SLC35F1: variants seen among roughly 807,000 people sequenced by gnomAD.
SLC35F1 encodes chromosome 6 open reading frame 169.
In SLC35F1, 14 loss-of-function variants were observed where a neutral mutation model predicts 48.7. The observed-to-expected ratio is 0.29, with a 90% confidence interval of 0.19 to 0.45. SLC35F1 has a LOEUF of 0.45. SLC35F1 is among the 20% of genes least tolerant of loss of function. The pLI is 1.00. For synonymous variants in SLC35F1, 190 were observed against 202.2 expected (o/e 0.94, Z 0.51); for missense variants, 404 against 500.0 (o/e 0.81, Z 1.83).
At chr6:118,002,629 TA>T (rs991045168) in intron 1 of SLC35F1, among the ~76,000 whole-genome samples, 12 of 151,976 alleles carry the variant, frequency 7.9e-5, no homozygotes, top group South Asian at 4.1e-4. Flanking sequence ...AAAAAGAAGA[TA>T]AAAAAAGAAT....
chr6:117,913,044 A>G (rs945593391), intron 1 of SLC35F1, among the ~76,000 whole-genome samples: 1 of 152,182 alleles, frequency 6.6e-6, no homozygotes, highest in Admixed American at 6.5e-5. Context: ...ACTTAATGCA[A>G]GAGATGTTTT....
chr6:118,066,146 T>C (rs779927479), intron 1 of SLC35F1, among the ~76,000 whole-genome samples: 1 of 152,194 alleles, frequency 6.6e-6, no homozygotes, highest in African/African-American at 2.4e-5. Flanking sequence ...AAATAATACA[T>C]ATTATTTAAT....
chr6:118,130,303 C>A (rs1773690942), intron 1 of SLC35F1, among the ~76,000 whole-genome samples: 1 of 152,084 alleles, frequency 6.6e-6, no homozygotes, highest in Admixed American at 6.6e-5. Flanking sequence ...AGTCTAGATA[C>A]GCTTCTTAAG....
In SLC35F1 at chr6:117,947,845, A is replaced by T. The variant is rs558890332; in HGVS notation, c.173+39946A>T. Among the ~76,000 whole-genome samples, 1,165 of 152,286 alleles carry T rather than the reference A, an allele frequency of 7.7e-3. 8 individuals carry two copies. Among genetic ancestry groups the T allele is most frequent in the Middle Eastern group, 0.014 (4 of 294 alleles). ...CTGAGAGAGGTATTGCCAAGCATAC[A>T]CTTTGAGAGTCATTGTATAGTTGAT... On this transcript the variant is annotated intron_variant, in intron 1 of 7. Coordinates refer to ENST00000360388, the MANE Select transcript of SLC35F1 (RefSeq NM_001029858.4).
At chr6:118,127,808 A>G (rs921087650) in intron 1 of SLC35F1, among the ~76,000 whole-genome samples, 2 of 151,494 alleles carry the variant, frequency 1.3e-5, no homozygotes, top group Non-Finnish European at 3.0e-5. Context: ...AAATTGACAA[A>G]TGGGATCTAA....
intron 1 of SLC35F1, among the ~76,000 whole-genome samples, chr6:118,134,451 G>T (rs992343652): frequency 2.6e-5 from 4 of 152,230 alleles, no homozygotes; most frequent in African/African-American, 9.6e-5. Context: ...TAAGAGCCAG[G>T]AGAAATATGC....
At chr6:118,079,133 G>A (rs531045122) in intron 1 of SLC35F1, among the ~76,000 whole-genome samples, 10 of 152,100 alleles carry the variant, frequency 6.6e-5, no homozygotes, top group Non-Finnish European at 1.5e-4. Flanking sequence ...TATCACCACT[G>A]TTCATTTCCA....
intron 1 of SLC35F1, among the ~76,000 whole-genome samples, chr6:118,108,048 A>G (rs894342396): frequency 1.3e-5 from 2 of 152,126 alleles, no homozygotes; most frequent in Non-Finnish European, 2.9e-5. Context: ...TTCCAAAAGA[A>G]TGAACAGTGT....
At chr6:118,007,140 A>G (rs942330008) in intron 1 of SLC35F1, among the ~76,000 whole-genome samples, 2 of 152,072 alleles carry the variant, frequency 1.3e-5, no homozygotes, top group Non-Finnish European at 2.9e-5. Context: ...ATGGAGGCTG[A>G]GCAGTCAAAT....
intron 2 of SLC35F1, among the ~76,000 whole-genome samples, chr6:118,164,047 A>G (rs1348682151): frequency 1.3e-5 from 2 of 152,230 alleles, no homozygotes; most frequent in African/African-American, 2.4e-5. Context: ...TTTCCTGCCT[A>G]TGCATTTTTT....
intron 2 of SLC35F1, among the ~76,000 whole-genome samples, chr6:118,206,747 C>A (rs552711081): frequency 6.6e-6 from 1 of 152,178 alleles, no homozygotes; most frequent in African/African-American, 2.4e-5. Flanking sequence ...ATCTTGTTAC[C>A]AAACCAAATA....
chr6:118,153,511 C>G (rs1424105804), intron 1 of SLC35F1, among the ~76,000 whole-genome samples: 2 of 152,092 alleles, frequency 1.3e-5, no homozygotes, highest in Non-Finnish European at 2.9e-5. Flanking sequence ...TATAAATAAA[C>G]CAGACAAGTC....
intron 1 of SLC35F1, among the ~76,000 whole-genome samples, chr6:118,114,484 T>A (rs989198195): frequency 6.6e-6 from 1 of 152,032 alleles, no homozygotes; most frequent in East Asian, 1.9e-4. Flanking sequence ...AACCAGTTAG[T>A]CTTTCCCCCA....
intron 1 of SLC35F1, among the ~76,000 whole-genome samples, chr6:118,084,151 GTCTGGC>G (rs1772951211): frequency 6.6e-6 from 1 of 152,178 alleles, no homozygotes; most frequent in Non-Finnish European, 1.5e-5. Flanking sequence ...TTTTAGCCCA[GTCTGGC>G]TCCAAAGCCC....
At position 118,225,915 on chromosome 6, in the gene SLC35F1, A is replaced by C. The variant is rs1029038204; in HGVS notation, c.350-9594A>C. ...AATCTTCACAGCAAAGGAAACAATT[A>C]ACAAAGTGAAGAGACAACCCACAAA... is the stretch of plus-strand genomic sequence containing the variant. On this transcript the variant is annotated intron_variant, in intron 2 of 7. Transcript: ENST00000360388. Among the ~76,000 whole-genome samples, 3 of 149,896 alleles carry C rather than the reference A, an allele frequency of 2.0e-5. No homozygotes were observed. The East Asian group carries it at 5.9e-4, about 30-fold the overall frequency.
intron 1 of SLC35F1, among the ~76,000 whole-genome samples, chr6:117,959,722 A>G (rs1474806352): frequency 1.3e-5 from 2 of 152,228 alleles, no homozygotes; most frequent in East Asian, 1.9e-4. Flanking sequence ...GTTGAAGAAC[A>G]GTCTGCTGAA....
chr6:118,161,479 A>G (rs1774233926), intron 2 of SLC35F1, among the ~76,000 whole-genome samples: 1 of 152,204 alleles, frequency 6.6e-6, no homozygotes, highest in Non-Finnish European at 1.5e-5. Context: ...GGCAAATGTA[A>G]ATACTAAATT....
intron 1 of SLC35F1, among the ~76,000 whole-genome samples, chr6:117,962,230 T>C (rs904838917): frequency 6.6e-6 from 1 of 152,160 alleles, no homozygotes; most frequent in Non-Finnish European, 1.5e-5. Flanking sequence ...TCCCATCCTG[T>C]CTATCAGCCT....
intron 1 of SLC35F1, among the ~76,000 whole-genome samples, chr6:118,145,822 T>A (rs558324342): frequency 1.5e-4 from 23 of 152,270 alleles, no homozygotes; most frequent in Non-Finnish European, 1.8e-4. Flanking sequence ...CTTTAAAAAA[T>A]TTTCATTAAA....
Sources: allele counts gnomAD v4.1 joint callset (sites outside exome capture counted in the v4.1 genomes callset), GRCh38; gene constraint gnomAD v4.1.1; transcripts MANE v1.5; gene names NCBI Gene and HGNC (gene_info 2026-07-23, HGNC 2026-07-21).